The following PAK2 variants were observed in gnomAD, a reference collection of about 807,000 sequenced individuals.
The protein encoded by PAK2 is serine/threonine-protein kinase PAK 2.
A neutral mutation model predicts 65.9 loss-of-function variants in PAK2; 21 were observed. That is an observed-to-expected ratio of 0.32 (90% CI 0.23 to 0.46). The LOEUF (loss-of-function observed/expected upper bound fraction) is 0.46, where lower values mean the gene tolerates loss of function less well. PAK2 is among the 20% of genes least tolerant of loss of function. The pLI is 1.00. For missense variants in PAK2, 324 were observed against 642.6 expected (o/e 0.50, Z 5.36); for synonymous variants, 204 against 219.7 (o/e 0.93, Z 0.63).
chr3:196,793,702 A>G (rs1715151755), intron 2 of PAK2, among the ~76,000 whole-genome samples: 1 of 152,238 alleles, frequency 6.6e-6, no homozygotes, highest in African/African-American at 2.4e-5. Context: ...AGATAGAGGA[A>G]TCCATGAAAC....
intron 12 of PAK2, 38 bp downstream of exon 12, chr3:196,818,194 A>C (rs1272974331): frequency 1.2e-6 from 1 of 805,884 alleles, no homozygotes; most frequent in Non-Finnish European, 2.2e-6. Flanking sequence ...CATTTATTAT[A>C]ATTTTCTGCC....
chr3:196,804,531 A>G (rs2108757815), intron 4 of PAK2, among the ~76,000 whole-genome samples: 1 of 152,216 alleles, frequency 6.6e-6, no homozygotes, highest in East Asian at 1.9e-4. Flanking sequence ...GCAGTGGCAC[A>G]ATCTCGGCTT....
At chr3:196,795,265 G>C (rs954906092) in intron 2 of PAK2, among the ~76,000 whole-genome samples, 2 of 150,462 alleles carry the variant, frequency 1.3e-5, no homozygotes, top group Admixed American at 6.7e-5. Flanking sequence ...AGACCAGCCT[G>C]GGCAACATGG....
At chr3:196,762,656 C>G (rs11927524) in intron 1 of PAK2, among the ~76,000 whole-genome samples, 1 of 151,258 alleles carries the variant, frequency 6.6e-6, no homozygotes, top group Non-Finnish European at 1.5e-5. Flanking sequence ...GCTTCGGCTC[C>G]GCATGAGAGG....
At chr3:196,755,317 TAAATC>T (rs1713731704) in intron 1 of PAK2, among the ~76,000 whole-genome samples, 1 of 152,208 alleles carries the variant, frequency 6.6e-6, no homozygotes, top group Non-Finnish European at 1.5e-5. Flanking sequence ...ATCTGTTTGA[TAAATC>T]TAGTGAGGCT....
chr3:196,761,288 G>A (rs1713953333), intron 1 of PAK2, among the ~76,000 whole-genome samples: 1 of 110,760 alleles, frequency 9.0e-6, no homozygotes, highest in African/African-American at 3.6e-5. Context: ...GTTTTCCTAG[G>A]CAGAGGACCC....
At chr3:196,758,574 C>T (rs866014917) in intron 1 of PAK2, among the ~76,000 whole-genome samples, 1 of 152,208 alleles carries the variant, frequency 6.6e-6, no homozygotes, top group Non-Finnish European at 1.5e-5. Context: ...TGATGATGCA[C>T]GCACTGTTGG....
At position 196,757,202 on chromosome 3, in the gene PAK2, CA is replaced by C. The variant is rs753943076; in HGVS notation, c.-22+17046del. Among the ~76,000 whole-genome samples, 12 of 152,058 alleles carry C rather than the reference CA, an allele frequency of 7.9e-5. 1 individual carries two copies. The highest frequency in any genetic ancestry group is 1.3e-4 in the Admixed American group (2 of 15,264). On this transcript the variant is annotated intron_variant, in intron 1 of 14. Transcript: ENST00000327134. ...GGTGACTTAGGTCAGAGCAGGTGAC[CA>C]GGGGTGACTCAGGTCAAAGCAGGTG...
intron 8 of PAK2, 62 bp downstream of exon 8, chr3:196,810,715 A>G: frequency 1.1e-6 from 1 of 873,542 alleles, no homozygotes; most frequent in Non-Finnish European, 2.0e-6. Context: ...GCTTTATAGC[A>G]TGATGTTTAT....
At chr3:196,742,946 T>C (rs1327645547) in intron 1 of PAK2, among the ~76,000 whole-genome samples, 4 of 152,144 alleles carry the variant, frequency 2.6e-5, no homozygotes, top group African/African-American at 9.7e-5. Flanking sequence ...AAAAAGAAAC[T>C]GGGTCAACTT....
intron 2 of PAK2, among the ~76,000 whole-genome samples, chr3:196,784,783 A>G (rs200878114): frequency 1.4e-3 from 214 of 151,422 alleles, no homozygotes; most frequent in East Asian, 0.011. Flanking sequence ...CTAGTTCTAG[A>G]TCCCTGAGGA....
intron 1 of PAK2, among the ~76,000 whole-genome samples, chr3:196,743,507 T>C (rs940283019): frequency 1.3e-5 from 2 of 152,142 alleles, no homozygotes; most frequent in Admixed American, 1.3e-4. Flanking sequence ...TAGTTAATAG[T>C]CTGTTCTTAC....
At chr3:196,804,765 G>A (rs560595594) in intron 4 of PAK2, among the ~76,000 whole-genome samples, 36 of 151,418 alleles carry the variant, frequency 2.4e-4, no homozygotes, top group Middle Eastern at 3.4e-3. Context: ...CACCGCGCCC[G>A]GCCTGTGCGT....
In PAK2 at chr3:196,740,674, T is replaced by C. The variant is rs1715548141; in HGVS notation, c.-22+517T>C. On this transcript the variant is annotated intron_variant, in intron 1 of 14. Transcript: ENST00000327134. The stretch of plus-strand genomic sequence containing the variant: ...TCCAGCCTGTAACCTCTTTTCCACA[T>C]TCCACATTGGTAAAAACGTAGAGCG... Among the ~76,000 whole-genome samples, 3 of 152,152 alleles carry C rather than the reference T, an allele frequency of 2.0e-5. 1 individual carries two copies. Among genetic ancestry groups the C allele is most frequent in the Non-Finnish European group, 4.4e-5 (3 of 68,022 alleles).
At chr3:196,812,067 T>G in intron 8 of PAK2, 152 bp from the exon 9 acceptor site, 1 of 507,524 alleles carries the variant, frequency 2.0e-6, no homozygotes. Context: ...CCCACCCCCT[T>G]TCCTCAGGTT....
intron 1 of PAK2, among the ~76,000 whole-genome samples, chr3:196,744,923 TTC>T (rs1273513860): frequency 3.7e-5 from 4 of 109,116 alleles, no homozygotes; most frequent in African/African-American, 1.0e-4. Context: ...GCATTTAAAT[TTC>T]TTTTTTCTTT....
At chr3:196,798,439 G>A (rs996244812) in intron 2 of PAK2, among the ~76,000 whole-genome samples, 2 of 151,858 alleles carry the variant, frequency 1.3e-5, no homozygotes, top group African/African-American at 4.8e-5. Context: ...CACCTCCCAG[G>A]TTCAAGTGAT....
At chr3:196,767,190 C>A (rs1298893497) in intron 1 of PAK2, among the ~76,000 whole-genome samples, 1 of 152,108 alleles carries the variant, frequency 6.6e-6, no homozygotes, top group Non-Finnish European at 1.5e-5. Context: ...GTTTGAGTTA[C>A]TTCCAGTCTT....
chr3:196,761,282 TCCTAGGCAGAGGACCCTGCGGCCTTC>T (rs1713953197), intron 1 of PAK2, among the ~76,000 whole-genome samples: 1 of 112,542 alleles, frequency 8.9e-6, no homozygotes, highest in Non-Finnish European at 1.8e-5. Flanking sequence ...TCTCTGGTTT[TCCTAGGCAGAGGACCCTGCGGCCTTC>T]CGCAGTGTTT....
Sources: gnomAD v4.1 joint callset for allele counts (sites outside exome capture counted in the v4.1 genomes callset) on GRCh38, gnomAD v4.1.1 for gene constraint, MANE v1.5 for transcripts, NCBI Gene and HGNC (gene_info 2026-07-23, HGNC 2026-07-21) for gene names.